The following FHIT variants were observed in gnomAD, a reference collection of about 807,000 sequenced individuals.
The protein encoded by FHIT is bis(5'-adenosyl)-triphosphatase.
FHIT carries 19 observed loss-of-function variants against 17.9 expected under a neutral mutation model. The observed-to-expected ratio is 1.06, with a 90% CI of 0.74 to 1.56. The LOEUF (loss-of-function observed/expected upper bound fraction) is 1.56. Ranked by LOEUF, FHIT falls within the 40% of genes most tolerant of loss-of-function variation. The pLI is 0.00. For synonymous variants in FHIT, 81 were observed against 69.7 expected, an observed-to-expected ratio of 1.16 and a Z score of -0.81; for missense variants, 248 against 189.2, an observed-to-expected ratio of 1.31 and a Z score of -1.82.
intron 8 of FHIT, among the ~76,000 whole-genome samples, chr3:59,836,532 C>T (rs1267481038): frequency 6.6e-6 from 1 of 152,178 alleles, no homozygotes; most frequent in Non-Finnish European, 1.5e-5. Context: ...GCCATATGAG[C>T]TTGGCCCTGC....
chr3:60,216,438 TC>T (rs1260676154), intron 5 of FHIT, among the ~76,000 whole-genome samples: 2 of 152,180 alleles, frequency 1.3e-5, no homozygotes, highest in Non-Finnish European at 2.9e-5. Context: ...TCATTACCTG[TC>T]TGAAGTTATT....
At chr3:60,032,966 A>C (rs1037588263) in intron 5 of FHIT, among the ~76,000 whole-genome samples, 6 of 152,214 alleles carry the variant, frequency 3.9e-5, no homozygotes, top group African/African-American at 1.4e-4. Flanking sequence ...GTAACACTAA[A>C]GGGAAGCAAA....
intron 7 of FHIT, among the ~76,000 whole-genome samples, chr3:60,007,059 C>A (rs1699953088): frequency 6.6e-6 from 1 of 152,114 alleles, no homozygotes; most frequent in South Asian, 2.1e-4. Flanking sequence ...GATTCAAGTA[C>A]CATAAACATA....
chr3:59,873,367 T>C (rs964054921), intron 8 of FHIT, among the ~76,000 whole-genome samples: 3 of 152,210 alleles, frequency 2.0e-5, no homozygotes, highest in Non-Finnish European at 2.9e-5. Context: ...GTGCTGGGTA[T>C]TAAAGACAGC....
intron 5 of FHIT, among the ~76,000 whole-genome samples, chr3:60,134,195 T>C (rs1699712836): frequency 1.3e-5 from 2 of 152,176 alleles, no homozygotes; most frequent in Non-Finnish European, 2.9e-5. Flanking sequence ...AATTGCCTAA[T>C]GGAGTTGGGC....
At chr3:60,143,749 T>G (rs1333200055) in intron 5 of FHIT, among the ~76,000 whole-genome samples, 1 of 152,120 alleles carries the variant, frequency 6.6e-6, no homozygotes, top group Non-Finnish European at 1.5e-5. Flanking sequence ...ATTTCTAAAC[T>G]TATTAACCTT....
chr3:60,324,419 C>T (rs934483336), intron 5 of FHIT, among the ~76,000 whole-genome samples: 1 of 151,940 alleles, frequency 6.6e-6, no homozygotes, highest in African/African-American at 2.4e-5. Flanking sequence ...CCTGTCTCTA[C>T]TAAAAATACA....
At chr3:60,191,824 T>A (rs1007991161) in intron 5 of FHIT, among the ~76,000 whole-genome samples, 2 of 152,056 alleles carry the variant, frequency 1.3e-5, no homozygotes, top group African/African-American at 4.8e-5. Context: ...TTTTAAAAAG[T>A]CATTTTTAAA....
intron 5 of FHIT, among the ~76,000 whole-genome samples, chr3:60,513,000 G>A (rs988861050): frequency 6.6e-6 from 1 of 152,146 alleles, no homozygotes; most frequent in African/African-American, 2.4e-5. Flanking sequence ...ATCTGAATAT[G>A]GAAAATATGA....
At chr3:61,060,366 T>TA (rs1403175403) in intron 2 of FHIT, among the ~76,000 whole-genome samples, 2 of 152,178 alleles carry the variant, frequency 1.3e-5, no homozygotes, top group Non-Finnish European at 2.9e-5. Flanking sequence ...AGTAAGGACT[T>TA]ACTGTACTTT....
intron 4 of FHIT, 66 bp downstream of exon 4, chr3:60,821,853 G>A (rs1701941022): frequency 2.0e-5 from 3 of 151,940 alleles, no homozygotes; most frequent in Non-Finnish European, 4.4e-5. Flanking sequence ...ACTATTATAA[G>A]GATACTCACA....
chr3:59,957,648 C>G (rs1361483369), intron 7 of FHIT, among the ~76,000 whole-genome samples: 5 of 152,128 alleles, frequency 3.3e-5, no homozygotes, highest in Non-Finnish European at 7.3e-5. Context: ...GCACATTGAC[C>G]AAGTCACTGA....
At chr3:60,497,677 A>C (rs889742826) in intron 5 of FHIT, among the ~76,000 whole-genome samples, 1 of 152,204 alleles carries the variant, frequency 6.6e-6, no homozygotes, top group South Asian at 2.1e-4. Flanking sequence ...TCAGGCAAGA[A>C]CATTCTAAAA....
At chr3:59,775,483 C>T (rs1371039617) in intron 8 of FHIT, among the ~76,000 whole-genome samples, 2 of 152,140 alleles carry the variant, frequency 1.3e-5, no homozygotes, top group Admixed American at 6.6e-5. Flanking sequence ...AATCCATTCC[C>T]GAGTTTAACA....
intron 5 of FHIT, among the ~76,000 whole-genome samples, chr3:60,099,392 A>G (rs1704099022): frequency 2.0e-5 from 3 of 152,120 alleles, no homozygotes; most frequent in Non-Finnish European, 4.4e-5. Flanking sequence ...CCTAAGAGGG[A>G]GCTATAATAA....
chr3:60,835,461 G>C (rs537793760), intron 3 of FHIT, among the ~76,000 whole-genome samples: 2 of 152,238 alleles, frequency 1.3e-5, no homozygotes, highest in South Asian at 4.1e-4. Context: ...ATTCACATAA[G>C]TATTTCATAT....
intron 2 of FHIT, among the ~76,000 whole-genome samples, chr3:61,164,472 GAACAAAGATGGGCCTC>G (rs1324559405): frequency 6.6e-6 from 1 of 152,124 alleles, no homozygotes; most frequent in Non-Finnish European, 1.5e-5. Context: ...CATTGGCATA[GAACAAAGATGGGCCTC>G]AACAAAGATG....
chr3:60,970,418 T>C (rs1709957521), intron 3 of FHIT, among the ~76,000 whole-genome samples: 1 of 152,178 alleles, frequency 6.6e-6, no homozygotes, highest in Non-Finnish European at 1.5e-5. Context: ...TCCAGTCTAA[T>C]AATCTGTTTT....
chr3:60,872,218 T>G (rs1213907545), intron 3 of FHIT, among the ~76,000 whole-genome samples: 1 of 152,162 alleles, frequency 6.6e-6, no homozygotes, highest in African/African-American at 2.4e-5. Context: ...ATGCTTTCAT[T>G]TCTTTTGATA....
Sources: gnomAD v4.1 joint callset for allele counts (sites outside exome capture counted in the v4.1 genomes callset) on GRCh38, gnomAD v4.1.1 for gene constraint, MANE v1.5 for transcripts, NCBI Gene and HGNC (gene_info 2026-07-23, HGNC 2026-07-21) for gene names.